CNR2: variants seen among roughly 807,000 people sequenced by gnomAD.
CNR2 encodes the protein cannabinoid receptor 2, also known as cannabinoid receptor 2 (macrophage).
For missense variants in CNR2, 379 were observed against 439.9 expected (o/e 0.86, Z 1.24); for synonymous variants, 172 against 182.2 (o/e 0.94, Z 0.45).
chr1:23,896,625 G>A (rs1336123405), intron 1 of CNR2, among the ~76,000 whole-genome samples: 3 of 152,352 alleles, frequency 2.0e-5, no homozygotes, highest in Non-Finnish European at 4.4e-5. Context: ...GTGTCAAAGA[G>A]GGAGATGAGA....
At chr1:23,901,206 T>C (rs972640046) in intron 1 of CNR2, among the ~76,000 whole-genome samples, 8 of 152,010 alleles carry the variant, frequency 5.3e-5, no homozygotes, top group African/African-American at 1.7e-4. Context: ...ATGGGTGCCA[T>C]TGGGAGGGGA....
At chr1:23,908,684 G>A (rs1288112311) in intron 1 of CNR2, among the ~76,000 whole-genome samples, 1 of 152,164 alleles carries the variant, frequency 6.6e-6, no homozygotes, top group South Asian at 2.1e-4. Context: ...TTGGAAGGGA[G>A]GGAGGGCTAC....
At chr1:23,889,627 CG>C (rs1409651105) in intron 1 of CNR2, among the ~76,000 whole-genome samples, 5 of 152,120 alleles carry the variant, frequency 3.3e-5, no homozygotes, top group Non-Finnish European at 5.9e-5. Flanking sequence ...CCTGACCATC[CG>C]GGCCTTTCTT....
At chr1:23,886,946 C>T (rs146500036) in intron 1 of CNR2, among the ~76,000 whole-genome samples, 2,309 of 152,176 alleles carry the variant, frequency 0.015, 51 homozygotes, top group African/African-American at 0.051. Context: ...TGCTCTGTTG[C>T]CCAGGCTAGA....
chr1:23,874,970 G>A lies in CNR2; in HGVS notation c.648C>T (p.Ala216=), dbSNP rs77065434. The stretch of plus-strand genomic sequence containing the variant: ...CAGACAAGCTGGCCACATGCTGATG[G>A]GCCTTCCAGAGAACATGCCCATAGG... ...IYTYGHVLWK[A]HQHVASLSGH... Residue 216 remains alanine (A), a synonymous_variant, in exon 2 of 2, where the codon GCC becomes GCT. Transcript: ENST00000374472. 493 of 1,609,846 alleles carry A rather than the reference G, an allele frequency of 3.1e-4. 1 individual carries two copies. In the African/African-American group the frequency reaches 5.5e-3, roughly 18 times the overall value.
intron 1 of CNR2, among the ~76,000 whole-genome samples, chr1:23,900,194 C>T (rs895317449): frequency 2.6e-5 from 4 of 152,000 alleles, no homozygotes; most frequent in African/African-American, 9.7e-5. Flanking sequence ...CGCAAGAGGA[C>T]AGCTTCGACC....
At chr1:23,910,239 G>T (rs771197156) in intron 1 of CNR2, among the ~76,000 whole-genome samples, 16 of 150,620 alleles carry the variant, frequency 1.1e-4, no homozygotes, top group Non-Finnish European at 1.9e-4. Context: ...AAGCTTACAG[G>T]TATGAGCCAC....
Position 23,874,661 on chromosome 1 carries a change from C to G in CNR2, c.957G>C (p.Lys319Asn), listed in dbSNP as rs761834077. The G allele has an allele frequency of 5.6e-6, 9 of 1,614,070 alleles. No individual in the cohort carries two copies. The highest frequency in any genetic ancestry group is 7.6e-6 in the Non-Finnish European group (9 of 1,180,034). ...CCTCTGACCCAAGGCCCCTCACACACTTCTTCCAGTGAGCCAGGCAGTGAT... is the reference window on the plus strand; with the variant it reads ...CCTCTGACCCAAGGCCCCTCACACAGTTCTTCCAGTGAGCCAGGCAGTGAT... ...SAHHCLAHWKKCVRGLGSEAK... is the reference protein window; with the variant it reads ...SAHHCLAHWKNCVRGLGSEAK... Residue 319 changes from lysine (K) to asparagine (N), a missense_variant, in exon 2 of 2, where the codon AAG becomes AAC. Coordinates refer to ENST00000374472, the MANE Select transcript of CNR2 (RefSeq NM_001841.3).
At chr1:23,896,360 C>T (rs1640282728) in intron 1 of CNR2, among the ~76,000 whole-genome samples, 1 of 152,228 alleles carries the variant, frequency 6.6e-6, no homozygotes, top group South Asian at 2.1e-4. Flanking sequence ...TCATTCAGTT[C>T]CCTCATCCAT....
In CNR2 at chr1:23,875,318, C is replaced by A; in HGVS notation, c.300G>T (p.Val100=). 1 of 1,614,220 alleles carries A rather than the reference C, an allele frequency of 6.2e-7. No individual in the cohort carries two copies. Among genetic ancestry groups the A allele is most frequent in the Non-Finnish European group, 8.5e-7 (1 of 1,180,040 alleles). Residue 100 remains valine (V), a synonymous_variant, in exon 2 of 2, where the codon GTG becomes GTT. Transcript: ENST00000374472. The part of the protein sequence containing the change: ...SFVNFHVFHG[V]DSKAVFLLKI... ...TCAGCAGGAAGACAGCCTTGGAATCCACACCATGGAAAACATGGAAATTCA... is the reference window on the plus strand; with the variant it reads ...TCAGCAGGAAGACAGCCTTGGAATCAACACCATGGAAAACATGGAAATTCA...
chr1:23,909,848 G>A (rs760836477), intron 1 of CNR2, among the ~76,000 whole-genome samples: 1 of 151,972 alleles, frequency 6.6e-6, no homozygotes, highest in Non-Finnish European at 1.5e-5. Flanking sequence ...TTCCACTCCC[G>A]TTCTCCTATT....
chr1:23,902,628 T>C, intron 1 of CNR2: 1 of 1,600,000 alleles, frequency 6.3e-7, no homozygotes, highest in South Asian at 1.1e-5. Flanking sequence ...AGCCAGGACG[T>C]ACTTGTGGGC....
intron 1 of CNR2, among the ~76,000 whole-genome samples, chr1:23,899,677 T>C (rs1310221745): frequency 6.8e-6 from 1 of 148,036 alleles, no homozygotes; most frequent in Admixed American, 6.9e-5. Context: ...TAGCCAGGTG[T>C]GGTGGTGCAT....
chr1:23,902,472 G>A (rs997685361), intron 1 of CNR2: 1 of 1,600,928 alleles, frequency 6.2e-7, no homozygotes, highest in Non-Finnish European at 8.5e-7. Context: ...GGCCAGCACC[G>A]TATCCGCTTC....
At position 23,870,783 on chromosome 1, in the gene CNR2, G is replaced by A. The variant is rs1351864590; in HGVS notation, c.*3752C>T. ...GCCCATTTCCTCAACCAAACAACAA[G>A]GGCAGTTCTCAGTGATATCTAGGTC... On this transcript the variant is annotated 3_prime_UTR_variant, in exon 2 of 2. Transcript: ENST00000374472. The A allele has an allele frequency of 2.6e-5, 4 of 152,134 alleles. No homozygotes were observed. Among genetic ancestry groups the A allele is most frequent in the Non-Finnish European group, 4.4e-5 (3 of 68,046 alleles). The allele number at this position is 152,134 out of a possible 1,614,324, so 9.4% of individuals were successfully genotyped here.
At chr1:23,899,576 G>A in intron 1 of CNR2, among the ~76,000 whole-genome samples, 1 of 151,358 alleles carries the variant, frequency 6.6e-6, no homozygotes, top group Non-Finnish European at 1.5e-5. Flanking sequence ...AGCACTTTGG[G>A]AGGCTGAGGC....
chr1:23,883,095 A>G lies in CNR2; in HGVS notation c.-45-7433T>C, dbSNP rs572101864. Among the ~76,000 whole-genome samples, 6 of 152,370 alleles carry G rather than the reference A, an allele frequency of 3.9e-5. No homozygotes were observed. The East Asian group carries it at 1.2e-3, about 29-fold the overall frequency. On this transcript the variant is annotated intron_variant, in intron 1 of 1. Coordinates refer to ENST00000374472, the MANE Select transcript of CNR2 (RefSeq NM_001841.3). ...GAGAGCAACCACAATGAAGAAAAAT[A>G]CAGGGCATGAGAGAGAAATGGTCAA...
At chr1:23,882,888 T>C (rs12733278) in intron 1 of CNR2, among the ~76,000 whole-genome samples, 110,471 of 151,924 alleles carry the variant, frequency 0.73, 40,926 homozygotes, top group Middle Eastern at 0.79. Context: ...ATCATGCAAC[T>C]CATGAAATTA....
At chr1:23,891,270 A>G (rs1215914474) in intron 1 of CNR2, among the ~76,000 whole-genome samples, 2 of 124,286 alleles carry the variant, frequency 1.6e-5, no homozygotes, top group Non-Finnish European at 3.4e-5. Context: ...TTTTGACCAA[A>G]TCTTTTGTGT....
Sources: allele counts gnomAD v4.1 joint callset (sites outside exome capture counted in the v4.1 genomes callset), GRCh38; gene constraint gnomAD v4.1.1; transcripts MANE v1.5; gene names NCBI Gene and HGNC (gene_info 2026-07-23, HGNC 2026-07-21).